The following CDH26 variants were observed in gnomAD, a reference collection of about 807,000 sequenced individuals.
The protein encoded by CDH26 is cadherin 26.
Under a neutral mutation model 90.3 loss-of-function variants are expected in CDH26, and 83 were observed. The observed-to-expected ratio is 0.92, with a 90% CI of 0.77 to 1.10. The LOEUF (loss-of-function observed/expected upper bound fraction) is 1.10, where lower values mean the gene tolerates loss of function less well. Ranked by LOEUF, CDH26 falls within the 50% of genes least tolerant of loss-of-function variation. The probability of loss-of-function intolerance (pLI) is 0.00; values close to 1 mark genes in which losing one functional copy is unlikely to be tolerated. For synonymous variants in CDH26, 397 were observed against 396.3 expected (o/e 1.00, Z -0.02); for missense variants, 1,013 against 1,037.6 (o/e 0.98, Z 0.33).
At chr20:60,017,855 T>G (rs2061918300), downstream of CDH26, among the ~76,000 whole-genome samples, 1 of 152,102 alleles carries the variant, frequency 6.6e-6, no homozygotes, top group Non-Finnish European at 1.5e-5. Flanking sequence ...TCTTAATTGA[T>G]TTTCTCACTC....
intron 16 of CDH26, among the ~76,000 whole-genome samples, chr20:60,005,493 T>C (rs1198342724): frequency 6.6e-6 from 1 of 152,110 alleles, no homozygotes; most frequent in Non-Finnish European, 1.5e-5. Context: ...TGTATGTATG[T>C]ATGTATGTAT....
intron 1 of CDH26, among the ~76,000 whole-genome samples, chr20:59,961,398 T>C (rs2061071444): frequency 6.6e-6 from 1 of 152,162 alleles, no homozygotes; most frequent in African/African-American, 2.4e-5. Context: ...GAAGAGAACA[T>C]GATTCAATAG....
Position 59,992,632 on chromosome 20 carries a change from T to C in CDH26, c.1426+112T>C. ...GCAGAGAAAAGGATAAAATAAACCT[T>C]GTTATCACTCTGCATCCATGCTGGT... On this transcript the variant is annotated intron_variant, in intron 10 of 17. Transcript: ENST00000348616. The surrounding 1 kb of genome is among the most constrained non-coding windows in gnomAD (Gnocchi z 5.0). 1 of 1,069,610 alleles carries C rather than the reference T, an allele frequency of 9.3e-7. No homozygotes were observed. Among genetic ancestry groups the C allele is most frequent in the Non-Finnish European group, 1.4e-6 (1 of 725,478 alleles). 66.3% of individuals were successfully genotyped at this position (1,069,610 alleles called of 1,614,324 possible).
intron 10 of CDH26, 74 bp from the exon 11 acceptor site, chr20:59,994,176 G>T: frequency 6.4e-7 from 1 of 1,569,530 alleles, no homozygotes. Flanking sequence ...TTTTCTGAGA[G>T]ACGGAGAGTG....
intron 16 of CDH26, among the ~76,000 whole-genome samples, 160 bp from the exon 17 acceptor site, chr20:60,006,551 CAA>C (rs977627876): frequency 1.3e-5 from 2 of 152,160 alleles, no homozygotes; most frequent in African/African-American, 4.8e-5. Context: ...TCCCCCAACA[CAA>C]AGAGAGGAAA....
At chr20:60,018,948 T>C (rs1310483647), downstream of CDH26, among the ~76,000 whole-genome samples, 2 of 152,064 alleles carry the variant, frequency 1.3e-5, no homozygotes, top group Admixed American at 1.3e-4. Context: ...TGAAAGATTT[T>C]ACTTTTTCAT....
intron 1 of CDH26, among the ~76,000 whole-genome samples, chr20:59,966,367 C>G (rs551901063): frequency 1.3e-5 from 2 of 152,156 alleles, no homozygotes; most frequent in Non-Finnish European, 2.9e-5. Context: ...CCCATCCACT[C>G]ACGAAGAGTG....
At chr20:59,959,102 T>C (rs2061034426) in intron 1 of CDH26, among the ~76,000 whole-genome samples, 1 of 152,194 alleles carries the variant, frequency 6.6e-6, no homozygotes, top group Admixed American at 6.5e-5. Context: ...CTTTCTTTGT[T>C]TCTTTCTCCT....
At position 59,989,018 on chromosome 20, in the gene CDH26, A is replaced by G; in HGVS notation, c.1138A>G (p.Ser380Gly). The stretch of plus-strand genomic sequence containing the variant: ...TCAGCCGCCAAGGAAGGCAGCAGCC[A>G]GCGCCACTGTGAGTGTGCAGGTGAC... ...KLQPPRKAAA[S>G]ATVSVQVTDA... Residue 380 changes from serine to glycine, a missense_variant, in exon 9 of 18, where the codon AGC (serine) becomes GGC (glycine). By Grantham distance (56) the Ser-to-Gly change is moderately conservative. Coordinates refer to ENST00000348616, the MANE Select transcript of CDH26 (RefSeq NM_177980.4). The G allele has an allele frequency of 6.2e-7, 1 of 1,614,218 alleles. No individual in the cohort carries two copies. The highest frequency in any genetic ancestry group is 8.5e-7 in the Non-Finnish European group (1 of 1,180,034).
In CDH26 at chr20:59,996,473, T is replaced by A. The variant is rs1315532458; in HGVS notation, c.1889-158T>A. 3.7e-6 allele frequency: 6 copies of A among 1,608,896 alleles called. No individual in the cohort carries two copies. The East Asian group carries it at 8.9e-5, about 24-fold the overall frequency. ...AGTTATGTAGCATCTACTGGTACCC[T>A]GGAACTGTGCTGAACTTTATAGCTA... is the stretch of plus-strand genomic sequence containing the variant. On this transcript the variant is annotated intron_variant, in intron 12 of 17. Transcript: ENST00000348616.
intron 9 of CDH26, among the ~76,000 whole-genome samples, chr20:59,991,618 A>G (rs1423863136): frequency 2.0e-5 from 3 of 152,236 alleles, no homozygotes; most frequent in Admixed American, 1.3e-4. Flanking sequence ...ACGCAACATG[A>G]GAGAGGGATC....
At chr20:59,989,977 CTT>C (rs1039596525) in intron 9 of CDH26, among the ~76,000 whole-genome samples, 1 of 152,316 alleles carries the variant, frequency 6.6e-6, no homozygotes, top group Non-Finnish European at 1.5e-5. Flanking sequence ...CTCCAGAACT[CTT>C]TTCATCTGGC....
At chr20:60,014,922 C>T (rs995405904), downstream of CDH26, among the ~76,000 whole-genome samples, 1 of 152,178 alleles carries the variant, frequency 6.6e-6, no homozygotes, top group South Asian at 2.1e-4. Context: ...CTACCAACAG[C>T]GTATGGGTTC....
intron 8 of CDH26, among the ~76,000 whole-genome samples, chr20:60,032,868 G>T (rs577538833): frequency 1.1e-4 from 13 of 121,948 alleles, no homozygotes; most frequent in African/African-American, 3.4e-4. Flanking sequence ...GGAGGGGGGA[G>T]GGATAGCATT....
chr20:59,970,224 C>T (rs1001873959), intron 3 of CDH26, 38 bp downstream of exon 3: 3 of 1,604,494 alleles, frequency 1.9e-6, no homozygotes, highest in African/African-American at 1.3e-5. Flanking sequence ...CCCATCATGC[C>T]CTCTAAGTAA....
intron 17 of CDH26, 31 bp downstream of exon 17, chr20:60,006,818 AG>A: frequency 6.4e-7 from 1 of 1,556,104 alleles, no homozygotes; most frequent in Non-Finnish European, 8.9e-7. Flanking sequence ...GCTGTGCACT[AG>A]CTATGGGTTT....
intron 4 of CDH26, among the ~76,000 whole-genome samples, chr20:59,976,466 A>G (rs572087943): frequency 3.3e-5 from 5 of 152,380 alleles, no homozygotes; most frequent in South Asian, 2.1e-4. Flanking sequence ...TGAAATATAA[A>G]ATAATAAACA....
At chr20:59,981,228 T>G (rs1016443247) in intron 4 of CDH26, among the ~76,000 whole-genome samples, 5 of 152,196 alleles carry the variant, frequency 3.3e-5, no homozygotes, top group African/African-American at 1.2e-4. Flanking sequence ...TTCTTTGCCT[T>G]TCTATATAAT....
At position 59,990,644 on chromosome 20, in the gene CDH26, A is replaced by G. The variant is rs79593586; in HGVS notation, c.1283+1481A>G. 3.5e-4 allele frequency among the ~76,000 whole-genome samples: 53 copies of G among 152,328 alleles called. 2 individuals are homozygous for G. In the East Asian group the frequency reaches 0.01, roughly 29 times the overall value. On this transcript the variant is annotated intron_variant, in intron 9 of 17. Transcript: ENST00000348616. ...TTTCATGCACTAGGTGGACATGACA[A>G]TGCTGATGACTCTAAGGGCTTCTCA...
Sources: allele counts gnomAD v4.1 joint callset (sites outside exome capture counted in the v4.1 genomes callset), GRCh38; gene constraint gnomAD v4.1.1; non-coding constraint Gnocchi (gnomAD v3.1); transcripts MANE v1.5; gene names NCBI Gene and HGNC (gene_info 2026-07-23, HGNC 2026-07-21).